ABLIM3: variants seen among roughly 807,000 people sequenced by gnomAD.
ABLIM3 encodes actin binding LIM protein family member 3.
ABLIM3 carries 61 observed loss-of-function variants against 109.5 expected under a neutral mutation model. That is an observed-to-expected ratio of 0.56 (90% CI 0.45 to 0.69). The LOEUF is 0.69. Ranked by LOEUF, ABLIM3 falls within the 30% of genes least tolerant of loss-of-function variation. The probability of loss-of-function intolerance (pLI) is 0.00; values close to 1 mark genes in which losing one functional copy is unlikely to be tolerated. For synonymous variants in ABLIM3, 300 were observed against 324.8 expected, an observed-to-expected ratio of 0.92 and a Z score of 0.82; for missense variants, 796 against 889.5, an observed-to-expected ratio of 0.89 and a Z score of 1.34.
rs111812008 is a variant in ABLIM3, at chr5:149,207,352, G to A, written c.575+218G>A. On this transcript the variant is annotated intron_variant, in intron 6 of 23. Transcript: ENST00000309868. ...GAGACACCCTCCCTGTTCCTTGCACGCCTGCTGCCCCTTCTCTCCCTTCTG... is the reference window on the plus strand; with the variant it reads ...GAGACACCCTCCCTGTTCCTTGCACACCTGCTGCCCCTTCTCTCCCTTCTG... 9.7e-3 allele frequency among the ~76,000 whole-genome samples: 1,481 copies of A among 151,962 alleles called. 17 individuals carry two copies. Among genetic ancestry groups the A allele is most frequent in the African/African-American group, 0.034 (1,413 of 41,410 alleles).
At chr5:149,163,551 G>T (rs1188267469) in intron 2 of ABLIM3, among the ~76,000 whole-genome samples, 1 of 152,124 alleles carries the variant, frequency 6.6e-6, no homozygotes, top group East Asian at 1.9e-4. Flanking sequence ...TTGGCACATA[G>T]GTGGGCATCT....
At chr5:149,203,208 CA>C (rs1758645103) in intron 5 of ABLIM3, among the ~76,000 whole-genome samples, 1 of 151,828 alleles carries the variant, frequency 6.6e-6, no homozygotes, top group Admixed American at 6.6e-5. Flanking sequence ...CCATCACTAC[CA>C]TCATCATGAA....
In ABLIM3 at chr5:149,204,570, G is replaced by A. The variant is rs73263863; in HGVS notation, c.449-2438G>A. Among the ~76,000 whole-genome samples, 1,318 of 152,336 alleles carry A rather than the reference G, an allele frequency of 8.7e-3. 10 individuals are homozygous for A. The highest frequency in any genetic ancestry group is 0.03 in the African/African-American group (1,255 of 41,576). ...TCCCTACAACAGGACTATCGCTCCTGGCTTCAGAACAGGGATTGGGTAATG... is the reference window on the plus strand; with the variant it reads ...TCCCTACAACAGGACTATCGCTCCTAGCTTCAGAACAGGGATTGGGTAATG... On this transcript the variant is annotated intron_variant, in intron 5 of 23. Coordinates refer to ENST00000309868, the MANE Select transcript of ABLIM3 (RefSeq NM_014945.5).
At chr5:149,153,749 T>C (rs561961881) in intron 2 of ABLIM3, among the ~76,000 whole-genome samples, 5 of 152,292 alleles carry the variant, frequency 3.3e-5, no homozygotes, top group African/African-American at 9.6e-5. Context: ...CCTGAGAGTA[T>C]GGATGGTCCC....
intron 3 of ABLIM3, among the ~76,000 whole-genome samples, chr5:149,195,649 C>G (rs1757895178): frequency 6.6e-6 from 1 of 152,156 alleles, no homozygotes; most frequent in East Asian, 1.9e-4. Context: ...AAAACCGGAG[C>G]TGTTTCCAAT....
At position 149,212,289 on chromosome 5, in the gene ABLIM3, C is replaced by T. The variant is rs115307783; in HGVS notation, c.669+1470C>T. Among the ~76,000 whole-genome samples the T allele has an allele frequency of 2.0e-3, 307 of 152,128 alleles. 2 individuals carry two copies. The highest frequency in any genetic ancestry group is 7.0e-3 in the African/African-American group (291 of 41,498). The stretch of plus-strand genomic sequence containing the variant: ...AGCATCTCGAGAGCTGTAAGGAGTG[C>T]GATGCAGAGGACAAGGCATGAGTCC... On this transcript the variant is annotated intron_variant, in intron 7 of 23. Transcript: ENST00000309868.
chr5:149,236,772 C>A (rs943233532), intron 10 of ABLIM3, among the ~76,000 whole-genome samples: 1 of 152,090 alleles, frequency 6.6e-6, no homozygotes, highest in Non-Finnish European at 1.5e-5. Flanking sequence ...GAAACTTGGG[C>A]TCTTGCAACT....
chr5:149,179,783 T>C (rs1282988136), intron 2 of ABLIM3, among the ~76,000 whole-genome samples: 1 of 152,186 alleles, frequency 6.6e-6, no homozygotes, highest in Non-Finnish European at 1.5e-5. Flanking sequence ...TTTATATTAA[T>C]TAAAATTAAA....
At chr5:149,230,008 G>A (rs1469604631) in intron 8 of ABLIM3, among the ~76,000 whole-genome samples, 4 of 152,234 alleles carry the variant, frequency 2.6e-5, no homozygotes, top group Non-Finnish European at 5.9e-5. Flanking sequence ...CCCCTTAAAT[G>A]TGATAGCTCT....
chr5:149,253,615 G>A (rs1754148440), intron 23 of ABLIM3, among the ~76,000 whole-genome samples: 1 of 152,212 alleles, frequency 6.6e-6, no homozygotes, highest in Non-Finnish European at 1.5e-5. Context: ...AAGGAAGGAT[G>A]TAGACGGACT....
intron 7 of ABLIM3, 131 bp downstream of exon 7, chr5:149,210,950 T>TC: frequency 2.5e-6 from 2 of 805,740 alleles, no homozygotes; most frequent in Non-Finnish European, 4.2e-6. Flanking sequence ...CTTTGCTTGC[T>TC]ACATGACCTT....
At chr5:149,207,521 A>G (rs1759121493) in intron 6 of ABLIM3, among the ~76,000 whole-genome samples, 2 of 152,192 alleles carry the variant, frequency 1.3e-5, no homozygotes, top group South Asian at 4.1e-4. Flanking sequence ...TAATAATGCT[A>G]ATAATACTAT....
Position 149,198,467 on chromosome 5 carries a change from GC to G in ABLIM3, c.335+66del, listed in dbSNP as rs1194298435. ...AGCCCCCGGGGCAGGGGAAGACCTGGCTTTTTCCAGGAAGTTCTGGGGTTTA... is the reference window on the plus strand; with the variant it reads ...AGCCCCCGGGGCAGGGGAAGACCTGGTTTTTCCAGGAAGTTCTGGGGTTTA... On this transcript the variant is annotated intron_variant, in intron 4 of 23. Coordinates refer to ENST00000309868, the MANE Select transcript of ABLIM3 (RefSeq NM_014945.5). This position sits in a 1 kb window ranked among gnomAD's most constrained non-coding sequence, Gnocchi z 4.2. 2 of 1,494,976 alleles carry G rather than the reference GC, an allele frequency of 1.3e-6. No individual in the cohort carries two copies. 92.6% of individuals were successfully genotyped at this position (1,494,976 alleles called of 1,614,324 possible).
chr5:149,217,783 T>C (rs1040817600), intron 8 of ABLIM3: 2 of 152,246 alleles, frequency 1.3e-5, no homozygotes, highest in Non-Finnish European at 2.9e-5. Flanking sequence ...CAGGCTTCCT[T>C]TGTAGCCTTG....
At chr5:149,243,722 A>G (rs1753080426) in intron 15 of ABLIM3, 1 of 152,214 alleles carries the variant, frequency 6.6e-6, no homozygotes, top group South Asian at 2.1e-4. Flanking sequence ...TGACAAAGGT[A>G]GTTTGGCTTT....
chr5:149,257,328 C>T (rs1754524138), intron 23 of ABLIM3, among the ~76,000 whole-genome samples: 1 of 151,648 alleles, frequency 6.6e-6, no homozygotes, highest in African/African-American at 2.4e-5. Context: ...TTCACAGTGA[C>T]AACAAGCCAG....
chr5:149,174,021 CAAAAA>C (rs57000637), intron 2 of ABLIM3, among the ~76,000 whole-genome samples: 10 of 40,218 alleles, frequency 2.5e-4, no homozygotes, highest in Admixed American at 9.5e-4. Context: ...GACTCCGTCT[CAAAAA>C]AAAAAAAAAA....
rs184307743 is a variant in ABLIM3 at position 149,209,449 on chromosome 5, G to T, written c.576-1277G>T. Among the ~76,000 whole-genome samples, 26 of 152,320 alleles carry T rather than the reference G, an allele frequency of 1.7e-4. No individual in the cohort carries two copies. In the Middle Eastern group the frequency reaches 0.01, roughly 60 times the overall value. ...TCCTCATTTATAAAAATGGAGAGAAGATGATCTACCTGTAGGGTTGTGTAA... is the reference window on the plus strand; with the variant it reads ...TCCTCATTTATAAAAATGGAGAGAATATGATCTACCTGTAGGGTTGTGTAA... On this transcript the variant is annotated intron_variant, in intron 6 of 23. Coordinates refer to ENST00000309868, the MANE Select transcript of ABLIM3 (RefSeq NM_014945.5).
chr5:149,142,000 A>G lies in ABLIM3; in HGVS notation c.-87-9A>G. On this transcript the variant is annotated splice_polypyrimidine_tract_variant and intron_variant, in intron 1 of 23. Coordinates refer to ENST00000309868, the MANE Select transcript of ABLIM3 (RefSeq NM_014945.5). ...AGAGCTGGCACTGGACTGCCTTTTC[A>G]CCCCCCAGGTGATGAGTGAGGTTCG... 1 of 1,586,076 alleles carries G rather than the reference A, an allele frequency of 6.3e-7. No homozygotes were observed. Among genetic ancestry groups the G allele is most frequent in the East Asian group, 2.2e-5 (1 of 44,704 alleles).
Sources: gnomAD v4.1 joint callset for allele counts (sites outside exome capture counted in the v4.1 genomes callset) on GRCh38, gnomAD v4.1.1 for gene constraint, Gnocchi (gnomAD v3.1) non-coding constraint, MANE v1.5 for transcripts, NCBI Gene and HGNC (gene_info 2026-07-23, HGNC 2026-07-21) for gene names.